The following ADCY8 variants were observed in gnomAD, a reference collection of about 807,000 sequenced individuals.
ADCY8 encodes adenylate cyclase type 8.
Under a neutral mutation model 119.7 loss-of-function variants are expected in ADCY8, and 51 were observed. The observed-to-expected ratio is 0.43, with a 90% CI of 0.34 to 0.54. The LOEUF (loss-of-function observed/expected upper bound fraction) is 0.54, where lower values mean the gene tolerates loss of function less well. ADCY8 is among the 20% of genes least tolerant of loss of function. The pLI is 0.03. For missense variants in ADCY8, 1,383 were observed against 1,598.8 expected (o/e 0.87, Z 2.30); for synonymous variants, 665 against 651.0 (o/e 1.02, Z -0.33).
At chr8:130,934,561 C>T (rs1376855434) in intron 5 of ADCY8, among the ~76,000 whole-genome samples, 7 of 152,158 alleles carry the variant, frequency 4.6e-5, no homozygotes, top group East Asian at 1.9e-4. Flanking sequence ...CGAACCATAT[C>T]GCAGTCCCAT....
intron 7 of ADCY8, among the ~76,000 whole-genome samples, chr8:130,901,226 T>C (rs1418003744): frequency 2.0e-5 from 3 of 150,006 alleles, no homozygotes; most frequent in Non-Finnish European, 4.4e-5. Context: ...AGTGATTTTT[T>C]TTCCCCATCC....
chr8:130,974,829 C>T (rs879536374), intron 2 of ADCY8, among the ~76,000 whole-genome samples: 6 of 152,184 alleles, frequency 3.9e-5, no homozygotes, highest in African/African-American at 7.2e-5. Flanking sequence ...GCTTTTCATT[C>T]CTGGCAACCA....
Position 130,788,024 on chromosome 8 carries a change from A to G in ADCY8, c.3061-2549T>C, listed in dbSNP as rs1481203703. Among the ~76,000 whole-genome samples the G allele has an allele frequency of 5.3e-5, 8 of 152,204 alleles. No individual in the cohort carries two copies. The South Asian group carries it at 1.7e-3, about 31-fold the overall frequency. On this transcript the variant is annotated intron_variant, in intron 15 of 17. Coordinates refer to ENST00000286355, the MANE Select transcript of ADCY8 (RefSeq NM_001115.3). Reference sequence around the variant, plus strand: ...TGTCTATCACATGCATTTATTTCATATTGGCTTGGTGTTATGCACCAAGAA... The same window carrying G: ...TGTCTATCACATGCATTTATTTCATGTTGGCTTGGTGTTATGCACCAAGAA...
chr8:130,889,802 C>T (rs112563422), intron 7 of ADCY8, among the ~76,000 whole-genome samples: 1,792 of 152,268 alleles, frequency 0.012, 34 homozygotes, highest in African/African-American at 0.04. Context: ...AACATGGACA[C>T]CTAACATAAT....
intron 2 of ADCY8, among the ~76,000 whole-genome samples, chr8:130,977,145 C>T (rs965981737): frequency 2.6e-5 from 4 of 152,162 alleles, no homozygotes; most frequent in Non-Finnish European, 4.4e-5. Context: ...AGAAACTGCC[C>T]GGGTCGGGTG....
intron 6 of ADCY8, among the ~76,000 whole-genome samples, chr8:130,904,875 A>C (rs116089213): frequency 0.015 from 2,333 of 152,304 alleles, 48 homozygotes; most frequent in African/African-American, 0.052. Context: ...GTAACTGTCT[A>C]ACTCAATCAT....
Position 130,804,487 on chromosome 8 carries a change from C to T in ADCY8, c.2914-3915G>A, listed in dbSNP as rs565330500. 7.2e-5 allele frequency among the ~76,000 whole-genome samples: 11 copies of T among 152,294 alleles called. No homozygotes were observed. In the South Asian group the frequency reaches 2.3e-3, roughly 32 times the overall value. On this transcript the variant is annotated intron_variant, in intron 14 of 17. Transcript: ENST00000286355. ...CATTTTGAGATCCTTGGGGTTAGGA[C>T]TTCAACATATAAATTTTCGGGAGAC... is the stretch of plus-strand genomic sequence containing the variant.
At chr8:131,035,471 T>C (rs1824124757) in intron 1 of ADCY8, among the ~76,000 whole-genome samples, 1 of 152,182 alleles carries the variant, frequency 6.6e-6, no homozygotes, top group African/African-American at 2.4e-5. Flanking sequence ...TCTTTGCTGA[T>C]GGCAGGGAAT....
chr8:131,019,797 T>TTCTC (rs61010907), intron 1 of ADCY8, among the ~76,000 whole-genome samples: 1,225 of 104,868 alleles, frequency 0.012, 14 homozygotes, highest in East Asian at 0.017. Context: ...ATGGAACAAA[T>TTCTC]TCTCTCTCTC....
At chr8:131,022,461 T>A (rs796874522) in intron 1 of ADCY8, among the ~76,000 whole-genome samples, 10 of 152,356 alleles carry the variant, frequency 6.6e-5, no homozygotes, top group African/African-American at 1.4e-4. Flanking sequence ...CTCATCCTTT[T>A]TTATGGTTGT....
chr8:130,870,204 G>T (rs1818302860), intron 8 of ADCY8, among the ~76,000 whole-genome samples: 1 of 151,652 alleles, frequency 6.6e-6, no homozygotes. Flanking sequence ...AGTAGAGATG[G>T]GGTTTCACCA....
chr8:131,010,869 T>C (rs955893054), intron 1 of ADCY8, among the ~76,000 whole-genome samples: 32 of 152,252 alleles, frequency 2.1e-4, no homozygotes, highest in Non-Finnish European at 4.3e-4. Flanking sequence ...TGAAATATGA[T>C]ACATCCATTT....
chr8:130,901,442 T>C (rs1819599625), intron 7 of ADCY8, among the ~76,000 whole-genome samples: 1 of 152,204 alleles, frequency 6.6e-6, no homozygotes, highest in South Asian at 2.1e-4. Context: ...CCAAAACATC[T>C]GGCCAATTTA....
chr8:130,818,648 G>A (rs1388220195), intron 13 of ADCY8, among the ~76,000 whole-genome samples: 7 of 152,244 alleles, frequency 4.6e-5, no homozygotes. Flanking sequence ...ATTAAAAATA[G>A]AGGGCCTCTG....
At chr8:130,991,054 C>A (rs940363861) in intron 1 of ADCY8, among the ~76,000 whole-genome samples, 3 of 152,178 alleles carry the variant, frequency 2.0e-5, no homozygotes, top group Non-Finnish European at 4.4e-5. Flanking sequence ...AGAAAAGAAA[C>A]ACGTTTTTCT....
chr8:130,856,625 T>C (rs928859832), intron 9 of ADCY8, among the ~76,000 whole-genome samples: 2 of 152,180 alleles, frequency 1.3e-5, no homozygotes, highest in Non-Finnish European at 2.9e-5. Flanking sequence ...CTGGTACCCT[T>C]CTTCTGATTT....
At chr8:130,821,671 C>G (rs1433511414) in intron 12 of ADCY8, among the ~76,000 whole-genome samples, 2 of 152,160 alleles carry the variant, frequency 1.3e-5, no homozygotes, top group Admixed American at 6.5e-5. Flanking sequence ...AGATGGTACA[C>G]TCACATTAAT....
chr8:131,014,206 ATCTATTAACAAGCATTT>A (rs1213105427), intron 1 of ADCY8, among the ~76,000 whole-genome samples: 1 of 152,192 alleles, frequency 6.6e-6, no homozygotes, highest in Admixed American at 6.5e-5. Flanking sequence ...GCATAAGCAA[ATCTATTAACAAGCATTT>A]AGTTTACCCT....
intron 2 of ADCY8, among the ~76,000 whole-genome samples, chr8:130,976,321 T>A (rs1822071091): frequency 6.6e-6 from 1 of 152,204 alleles, no homozygotes; most frequent in African/African-American, 2.4e-5. Flanking sequence ...GGCTTGATGA[T>A]AAGGGCACTT....
Sources: allele counts gnomAD v4.1 joint callset (sites outside exome capture counted in the v4.1 genomes callset), GRCh38; gene constraint gnomAD v4.1.1; transcripts MANE v1.5; gene names NCBI Gene and HGNC (gene_info 2026-07-23, HGNC 2026-07-21).